The following TAS2R1 variants were observed in gnomAD, a reference collection of about 807,000 sequenced individuals.
TAS2R1 encodes the protein taste receptor type 2 member 1.
For synonymous variants in TAS2R1, 141 were observed against 134.2 expected (o/e 1.05, Z -0.35); for missense variants, 370 against 353.4 (o/e 1.05, Z -0.38).
chr5:9,840,861 T>TTTTA, the TAS2R1 span, among the ~76,000 whole-genome samples: 1 of 3,596 alleles, frequency 2.8e-4, no homozygotes, highest in African/African-American at 1.3e-3. Flanking sequence ...TTATTTATTT[T>TTTTA]TTTTTTTTTT....
chr5:9,635,853 G>T (rs1210858504), intron 2 of TAS2R1, among the ~76,000 whole-genome samples: 1 of 151,830 alleles, frequency 6.6e-6, no homozygotes, highest in African/African-American at 2.4e-5. Context: ...CTCACTAATG[G>T]TCTATCAATT....
chr5:9,807,054 GA>G, the TAS2R1 span, among the ~76,000 whole-genome samples: 21 of 151,468 alleles, frequency 1.4e-4, no homozygotes, highest in South Asian at 3.7e-3. Context: ...ATATCAGCAA[GA>G]AAAAAACAAA....
chr5:9,830,269 T>C, the TAS2R1 span, among the ~76,000 whole-genome samples: 43,281 of 151,472 alleles, frequency 0.29, 6,917 homozygotes, highest in Non-Finnish European at 0.37. Context: ...ACATAGATAG[T>C]TAGATATAGA....
chr5:9,892,948 C>G, the TAS2R1 span, among the ~76,000 whole-genome samples: 2 of 152,198 alleles, frequency 1.3e-5, no homozygotes, highest in African/African-American at 4.8e-5. Flanking sequence ...CAGGGCAGAT[C>G]TGACCACTGA....
At chr5:9,779,573 G>C in the TAS2R1 span, among the ~76,000 whole-genome samples, 1 of 152,124 alleles carries the variant, frequency 6.6e-6, no homozygotes, top group Non-Finnish European at 1.5e-5. Context: ...AGAGAGATGG[G>C]GAAACAGCTG....
At chr5:9,857,352 T>A in the TAS2R1 span, among the ~76,000 whole-genome samples, 1 of 152,212 alleles carries the variant, frequency 6.6e-6, no homozygotes, top group Non-Finnish European at 1.5e-5. Context: ...GTGATGGATA[T>A]CTCAATTACC....
At chr5:9,633,116 A>C (rs1049276822), upstream of TAS2R1, among the ~76,000 whole-genome samples, 4 of 151,564 alleles carry the variant, frequency 2.6e-5, no homozygotes, top group African/African-American at 7.3e-5. Context: ...TGAAAACAGC[A>C]TAGATTTCCT....
the TAS2R1 span, among the ~76,000 whole-genome samples, chr5:9,847,552 G>C: frequency 6.6e-6 from 1 of 152,182 alleles, no homozygotes; most frequent in African/African-American, 2.4e-5. Context: ...AAGGCAGCAG[G>C]ATGCAGCTAG....
chr5:9,766,693 TTGA>T, the TAS2R1 span, among the ~76,000 whole-genome samples: 1 of 152,194 alleles, frequency 6.6e-6, no homozygotes, highest in African/African-American at 2.4e-5. Context: ...ACTGTGGTGG[TTGA>T]TGTGTCTTTC....
chr5:9,636,893 T>A (rs1359894479), intron 2 of TAS2R1, among the ~76,000 whole-genome samples: 3 of 152,162 alleles, frequency 2.0e-5, no homozygotes, highest in Admixed American at 2.0e-4. Flanking sequence ...CTGGGTCTTT[T>A]AAGTGAAGCA....
the TAS2R1 span, among the ~76,000 whole-genome samples, chr5:9,767,792 C>T: frequency 1.3e-4 from 19 of 151,982 alleles, no homozygotes; most frequent in African/African-American, 1.7e-4. Flanking sequence ...GGCATGGTGG[C>T]GCACACCTGT....
the TAS2R1 span, among the ~76,000 whole-genome samples, chr5:9,865,470 C>A: frequency 6.6e-6 from 1 of 152,232 alleles, no homozygotes; most frequent in East Asian, 1.9e-4. Flanking sequence ...AGTCACTATT[C>A]ATTTCATTTC....
chr5:9,710,267 C>T (rs1204944218), intron 1 of TAS2R1, among the ~76,000 whole-genome samples: 1 of 152,054 alleles, frequency 6.6e-6, no homozygotes, highest in Non-Finnish European at 1.5e-5. Flanking sequence ...AAAGAGTATG[C>T]TCTCCAACTT....
the TAS2R1 span, among the ~76,000 whole-genome samples, chr5:9,840,133 C>G: frequency 6.6e-6 from 1 of 152,144 alleles, no homozygotes; most frequent in East Asian, 1.9e-4. Flanking sequence ...ATTTTGCCAC[C>G]TATGTCATTG....
At chr5:9,848,582 T>C in the TAS2R1 span, among the ~76,000 whole-genome samples, 1 of 152,086 alleles carries the variant, frequency 6.6e-6, no homozygotes, top group Non-Finnish European at 1.5e-5. Flanking sequence ...ACTAAGAGAG[T>C]AGATTTTAAA....
chr5:9,699,318 C>T (rs573668636), intron 1 of TAS2R1, among the ~76,000 whole-genome samples: 6 of 152,326 alleles, frequency 3.9e-5, no homozygotes, highest in South Asian at 4.1e-4. Flanking sequence ...GCTGAGCATT[C>T]GCGAATTGAA....
In TAS2R1 at chr5:9,627,887, G is replaced by A. The variant is rs1455518260; in HGVS notation, c.*1246C>T. Among the ~76,000 whole-genome samples the A allele has an allele frequency of 6.6e-6, 1 of 152,164 alleles. No homozygotes were observed. The highest frequency in any genetic ancestry group is 1.5e-5 in the Non-Finnish European group (1 of 68,038). ...AGATAAGTACGTCCCTGAATCTCCT[G>A]AAGCAAAATCCTTCATTGGTGTATT... is the stretch of plus-strand genomic sequence containing the variant. On this transcript the variant is annotated 3_prime_UTR_variant, in exon 1 of 1. Coordinates refer to ENST00000382492, the MANE Select transcript of TAS2R1 (RefSeq NM_019599.3).
chr5:9,814,688 T>C, the TAS2R1 span, among the ~76,000 whole-genome samples: 40 of 152,160 alleles, frequency 2.6e-4, no homozygotes, highest in African/African-American at 9.4e-4. Flanking sequence ...CCAATTTACT[T>C]GCCTAATTTT....
At chr5:9,665,087 C>G (rs563674848) in intron 1 of TAS2R1, among the ~76,000 whole-genome samples, 1 of 152,322 alleles carries the variant, frequency 6.6e-6, no homozygotes, top group East Asian at 1.9e-4. Context: ...AAGGTGTCAG[C>G]TGGGCCACAT....
Sources: gnomAD v4.1 joint callset for allele counts (sites outside exome capture counted in the v4.1 genomes callset) on GRCh38, gnomAD v4.1.1 for gene constraint, MANE v1.5 for transcripts, NCBI Gene and HGNC (gene_info 2026-07-23, HGNC 2026-07-21) for gene names.